Variants in NTM observed in about 807,000 individuals in gnomAD.
NTM encodes the protein neurotrimin, also known as IgLON family member 2.
A neutral mutation model predicts 42.1 loss-of-function variants in NTM; 13 were observed. The observed-to-expected ratio is 0.31, with a 90% confidence interval of 0.20 to 0.49. The LOEUF (loss-of-function observed/expected upper bound fraction) is 0.49, where lower values mean the gene tolerates loss of function less well. NTM is among the 20% of genes least tolerant of loss of function. The probability of loss-of-function intolerance (pLI) is 0.99; values close to 1 mark genes in which losing one functional copy is unlikely to be tolerated. For synonymous variants in NTM, 187 were observed against 179.2 expected, an observed-to-expected ratio of 1.04 and a Z score of -0.35; for missense variants, 373 against 452.8, an observed-to-expected ratio of 0.82 and a Z score of 1.60.
intron 1 of NTM, among the ~76,000 whole-genome samples, chr11:131,562,638 A>G (rs184096518): frequency 6.6e-6 from 1 of 152,316 alleles, no homozygotes; most frequent in Admixed American, 6.5e-5. Context: ...CCTGTCTAAA[A>G]TTCACTTTCG....
At chr11:131,686,560 G>C (rs2073900607) in intron 1 of NTM, among the ~76,000 whole-genome samples, 1 of 152,182 alleles carries the variant, frequency 6.6e-6, no homozygotes, top group African/African-American at 2.4e-5. Context: ...CTGTCTCAAG[G>C]GTGGCGGAGG....
At chr11:132,230,725 T>C (rs1355145893) in intron 4 of NTM, among the ~76,000 whole-genome samples, 3 of 152,294 alleles carry the variant, frequency 2.0e-5, no homozygotes, top group African/African-American at 7.2e-5. Context: ...CGGGGCCTGA[T>C]ATAAAACAAA....
rs2064558054 is a variant in NTM at position 131,637,528 on chromosome 11, C to T, written c.82+266640C>T. On this transcript the variant is annotated intron_variant, in intron 1 of 8. Coordinates refer to ENST00000683400, the MANE Select transcript of NTM (RefSeq NM_001352005.2). ...CACTACTTTTAACACGCCAGGTGCT[C>T]TCTACTTGTAATAATCCTGTCTCTT... 5.9e-5 allele frequency among the ~76,000 whole-genome samples: 9 copies of T among 151,544 alleles called. No individual in the cohort carries two copies. In the South Asian group the frequency reaches 1.9e-3, roughly 32 times the overall value.
At chr11:132,309,852 T>G (rs1313661090) in intron 5 of NTM, among the ~76,000 whole-genome samples, 1 of 152,096 alleles carries the variant, frequency 6.6e-6, no homozygotes, top group Non-Finnish European at 1.5e-5. Context: ...GGTCAGGAGT[T>G]GGAGACCAGC....
At chr11:132,089,627 A>T (rs541989071) in intron 2 of NTM, among the ~76,000 whole-genome samples, 1 of 152,178 alleles carries the variant, frequency 6.6e-6, no homozygotes, top group Non-Finnish European at 1.5e-5. Flanking sequence ...CGTCTTCAAC[A>T]TTGTCTCCTC....
intron 2 of NTM, among the ~76,000 whole-genome samples, chr11:132,023,382 C>T (rs1185519786): frequency 6.6e-6 from 1 of 152,178 alleles, no homozygotes; most frequent in Non-Finnish European, 1.5e-5. Flanking sequence ...AGCTGGGAAG[C>T]ACAAGTTCAA....
At chr11:131,673,465 CTGTGTGTA>C (rs1214248127) in intron 1 of NTM, among the ~76,000 whole-genome samples, 2 of 152,194 alleles carry the variant, frequency 1.3e-5, no homozygotes, top group African/African-American at 2.4e-5. Context: ...TCCTCATTGT[CTGTGTGTA>C]TGTGTTTCAG....
Position 131,876,640 on chromosome 11 carries a change from G to A in NTM, c.83-34924G>A, listed in dbSNP as rs186694761. ...CGTTTTGTTTTCTCTTTGTGCAGTA[G>A]AACCACCATTGAAGAGATATCACTT... On this transcript the variant is annotated intron_variant, in intron 1 of 8. Transcript: ENST00000683400. 3.3e-5 allele frequency among the ~76,000 whole-genome samples: 5 copies of A among 152,304 alleles called. No homozygotes were observed. The East Asian group carries it at 7.7e-4, about 24-fold the overall frequency.
At chr11:131,480,354 A>C (rs1351562483) in intron 1 of NTM, among the ~76,000 whole-genome samples, 3 of 152,098 alleles carry the variant, frequency 2.0e-5, no homozygotes, top group Non-Finnish European at 4.4e-5. Context: ...GGATAGCAGG[A>C]TACTACCTTT....
chr11:131,511,106 G>T (rs2048175745), intron 1 of NTM, among the ~76,000 whole-genome samples: 1 of 152,116 alleles, frequency 6.6e-6, no homozygotes, highest in African/African-American at 2.4e-5. Context: ...AAATTGAGGG[G>T]GACAGTGTCC....
At chr11:132,244,717 C>T (rs1275205607) in intron 4 of NTM, among the ~76,000 whole-genome samples, 1 of 152,206 alleles carries the variant, frequency 6.6e-6, no homozygotes, top group African/African-American at 2.4e-5. Flanking sequence ...CGCAGGTGCA[C>T]AGGCCCCTAT....
chr11:131,715,802 A>G (rs1217020275), intron 1 of NTM, among the ~76,000 whole-genome samples: 1 of 152,184 alleles, frequency 6.6e-6, no homozygotes, highest in African/African-American at 2.4e-5. Context: ...AATTATTTAG[A>G]GATTGATCCA....
chr11:131,956,598 C>CG (rs1250951253), intron 2 of NTM, among the ~76,000 whole-genome samples: 1 of 150,486 alleles, frequency 6.6e-6, no homozygotes, highest in Non-Finnish European at 1.5e-5. Flanking sequence ...ATCGGTGTCT[C>CG]GGGGGGTTGG....
At chr11:132,096,159 T>C (rs1426238626) in intron 2 of NTM, among the ~76,000 whole-genome samples, 1 of 152,180 alleles carries the variant, frequency 6.6e-6, no homozygotes. Flanking sequence ...CCATACTTTT[T>C]AGTCTTTTTT....
chr11:131,602,085 A>T (rs887328023), intron 1 of NTM, among the ~76,000 whole-genome samples: 1 of 152,232 alleles, frequency 6.6e-6, no homozygotes, highest in South Asian at 2.1e-4. Flanking sequence ...AGGCCAGTTT[A>T]TTAATTAAAA....
chr11:131,720,360 A>G (rs528426596), intron 1 of NTM, among the ~76,000 whole-genome samples: 19 of 152,256 alleles, frequency 1.2e-4, no homozygotes, highest in Non-Finnish European at 2.6e-4. Context: ...GAGAATCTTT[A>G]CCTTTGGACA....
chr11:131,658,499 C>T (rs917870456), intron 1 of NTM, among the ~76,000 whole-genome samples: 1 of 152,180 alleles, frequency 6.6e-6, no homozygotes, highest in East Asian at 1.9e-4. Flanking sequence ...TGCTGATGCC[C>T]GTTTGTCCTC....
At chr11:131,868,227 C>G (rs759298993) in intron 1 of NTM, among the ~76,000 whole-genome samples, 1 of 152,188 alleles carries the variant, frequency 6.6e-6, no homozygotes. Flanking sequence ...AATTCTCTGG[C>G]GTTTTTGTTT....
intron 3 of NTM, among the ~76,000 whole-genome samples, chr11:132,164,317 G>T (rs888126445): frequency 6.6e-6 from 1 of 152,084 alleles, no homozygotes; most frequent in African/African-American, 2.4e-5. Flanking sequence ...AACATGAGAT[G>T]ATACCATTAA....
Sources: gnomAD v4.1 joint callset for allele counts (sites outside exome capture counted in the v4.1 genomes callset) on GRCh38, gnomAD v4.1.1 for gene constraint, MANE v1.5 for transcripts, NCBI Gene and HGNC (gene_info 2026-07-23, HGNC 2026-07-21) for gene names.